Variants in PAX2 observed in about 807,000 individuals in gnomAD.
PAX2 encodes the protein paired box protein Pax-2.
Under a neutral mutation model 41.7 loss-of-function variants are expected in PAX2, and 9 were observed. The ratio of observed to expected loss-of-function variants is 0.22; its 90% confidence interval spans 0.13 to 0.38. The LOEUF (loss-of-function observed/expected upper bound fraction) is 0.38. PAX2 is among the 10% of genes least tolerant of loss of function. The probability of loss-of-function intolerance (pLI) is 1.00; values close to 1 mark genes in which losing one functional copy is unlikely to be tolerated. For missense variants in PAX2, 418 were observed against 531.6 expected (o/e 0.79, Z 2.10); for synonymous variants, 221 against 212.7 (o/e 1.04, Z -0.34).
At chr10:100,751,250 C>T (rs1284206006) in intron 3 of PAX2, among the ~76,000 whole-genome samples, 1 of 152,210 alleles carries the variant, frequency 6.6e-6, no homozygotes, top group East Asian at 1.9e-4. Flanking sequence ...TCTATTCATC[C>T]CTCCAAACAG....
Position 100,748,998 on chromosome 10 carries a change from C to T in PAX2, c.44-748C>T. The T allele has an allele frequency of 2.0e-6, 2 of 985,454 alleles. No individual in the cohort carries two copies. The highest frequency in any genetic ancestry group is 2.4e-6 in the Non-Finnish European group (2 of 829,954). 61.0% of individuals were successfully genotyped at this position (985,454 alleles called of 1,614,324 possible). ...CCTGCTGCCTGGAGCCGCTCTGCCT[C>T]CCTGTCTCTGAGCGCAGCAGACCCC... On this transcript the variant is annotated intron_variant, in intron 1 of 9. Coordinates refer to ENST00000355243, the MANE Select transcript of PAX2 (RefSeq NM_000278.5). The surrounding 1 kb of genome is among the most constrained non-coding windows in gnomAD (Gnocchi z 5.0).
chr10:100,742,238 G>A (rs1564701350), upstream of PAX2, among the ~76,000 whole-genome samples: 1 of 152,206 alleles, frequency 6.6e-6, no homozygotes, highest in Non-Finnish European at 1.5e-5. Flanking sequence ...GCGGGCAGTG[G>A]ACTAGGTCTA....
rs575834230 is a variant in PAX2 at position 100,767,372 on chromosome 10, T to C, written c.411-12126T>C. 5.6e-4 allele frequency among the ~76,000 whole-genome samples: 85 copies of C among 152,322 alleles called. 1 individual carries two copies. Among genetic ancestry groups the C allele is most frequent in the African/African-American group, 1.9e-3 (81 of 41,566 alleles). ...TCTAATAAGGCCTCTGGGCTCTCATTGCTAGTAAGAGAGTAAACTGTCCCC... is the reference window on the plus strand; with the variant it reads ...TCTAATAAGGCCTCTGGGCTCTCATCGCTAGTAAGAGAGTAAACTGTCCCC... On this transcript the variant is annotated intron_variant, in intron 3 of 9. Transcript: ENST00000355243.
chr10:100,787,608 G>C (rs969459532), intron 5 of PAX2, among the ~76,000 whole-genome samples: 19 of 151,934 alleles, frequency 1.3e-4, no homozygotes, highest in Non-Finnish European at 1.9e-4. Context: ...AACAATGAAG[G>C]CTTTTTCCCA....
rs1268620947 is a variant in PAX2 at position 100,824,626 on chromosome 10, C to T, written c.920-22C>T. The T allele has an allele frequency of 7.9e-6, 12 of 1,522,422 alleles. No homozygotes were observed. The highest frequency in any genetic ancestry group is 1.0e-5 in the Non-Finnish European group (11 of 1,096,114). The allele number at this position is 1,522,422 out of a possible 1,614,324, so 94.3% of individuals were successfully genotyped here. ...GGCCCCTTTCTTCCAGGCCTCACCC[C>T]TTCCCCTTTGTGTTTTTCCAGGTCG... On this transcript the variant is annotated intron_variant, in intron 7 of 9. Coordinates refer to ENST00000355243, the MANE Select transcript of PAX2 (RefSeq NM_000278.5). This position sits in a 1 kb window ranked among gnomAD's most constrained non-coding sequence, Gnocchi z 6.6.
intron 5 of PAX2, among the ~76,000 whole-genome samples, chr10:100,786,186 C>G (rs1237207474): frequency 6.6e-6 from 1 of 152,240 alleles, no homozygotes; most frequent in Non-Finnish European, 1.5e-5. Context: ...CTGGGATTAG[C>G]TAACCCGGAT....
chr10:100,788,266 C>G (rs139562003), intron 5 of PAX2, among the ~76,000 whole-genome samples: 1 of 152,342 alleles, frequency 6.6e-6, no homozygotes, highest in Admixed American at 6.5e-5. Context: ...CGCCCGCGAT[C>G]GCCTCCTTTT....
chr10:100,787,409 A>C (rs1289185324), intron 5 of PAX2, among the ~76,000 whole-genome samples: 4 of 152,222 alleles, frequency 2.6e-5, no homozygotes, highest in Admixed American at 6.5e-5. Context: ...TAAAAGTGGA[A>C]ATCAATTTTG....
chr10:100,770,642 G>A (rs573709774), intron 3 of PAX2, among the ~76,000 whole-genome samples: 6 of 152,322 alleles, frequency 3.9e-5, no homozygotes, highest in South Asian at 4.1e-4. Context: ...GGCACGTGGC[G>A]GAAAGATTAT....
At position 100,806,462 on chromosome 10, in the gene PAX2, T is replaced by G; in HGVS notation, c.649T>G (p.Ser217Ala). 6.2e-7 allele frequency: 1 copy of G among 1,614,232 alleles called. No homozygotes were observed. Among genetic ancestry groups the G allele is most frequent in the Non-Finnish European group, 8.5e-7 (1 of 1,180,038 alleles). The change falls in exon 6 of 10, where the codon TCC becomes GCC. Residue 217 changes from serine (S) to alanine (A), a missense_variant. Ser to Ala is a moderately conservative substitution (Grantham distance 99). Coordinates refer to ENST00000355243, the MANE Select transcript of PAX2 (RefSeq NM_000278.5). ...TGAGGGCTCAGTCCCCAATGGAGAT[T>G]CCCAGAGTGGTGTGGACAGTTTGCG... is the stretch of plus-strand genomic sequence containing the variant. ...VSEGSVPNGD[S>A]QSGVDSLRKH... is the part of the protein sequence containing the mutation.
rs1848590409 is a variant in PAX2, at chr10:100,826,947, G to A, written c.1022-62G>A. ...GGAGCGGGCGGAGAAGCCACCGGCC[G>A]GACTCGTGGGGTCCGCCCTGGCTTG... On this transcript the variant is annotated intron_variant, in intron 8 of 9. Transcript: ENST00000355243. The surrounding 1 kb of genome is among the most constrained non-coding windows in gnomAD (Gnocchi z 5.5). The A allele has an allele frequency of 6.9e-6, 8 of 1,160,376 alleles. No individual in the cohort carries two copies. Among genetic ancestry groups the A allele is most frequent in the Non-Finnish European group, 1.0e-5 (8 of 773,128 alleles). The allele number at this position is 1,160,376 out of a possible 1,614,324, so 71.9% of individuals were successfully genotyped here. A position where few individuals can be genotyped will look rare whatever the true frequency, so the allele number is the denominator to read the frequency against.
intron 5 of PAX2, among the ~76,000 whole-genome samples, chr10:100,792,362 G>C (rs761526436): frequency 6.6e-6 from 1 of 152,256 alleles, no homozygotes; most frequent in Non-Finnish European, 1.5e-5. Flanking sequence ...TGCCTGGAGA[G>C]GAAGTCCGCA....
intron 1 of PAX2, among the ~76,000 whole-genome samples, chr10:100,740,125 C>T (rs1410428561): frequency 6.6e-6 from 1 of 152,228 alleles, no homozygotes; most frequent in Non-Finnish European, 1.5e-5. Flanking sequence ...CCTGGGAGAA[C>T]CAACTTTCTT....
chr10:100,768,046 T>C (rs78119190), intron 3 of PAX2, among the ~76,000 whole-genome samples: 3,907 of 138,100 alleles, frequency 0.028, 183 homozygotes, highest in African/African-American at 0.097. Context: ...GGTATACAAA[T>C]GCACATTTAT....
At chr10:100,758,461 G>A (rs1374467149) in intron 3 of PAX2, among the ~76,000 whole-genome samples, 5 of 152,208 alleles carry the variant, frequency 3.3e-5, no homozygotes, top group African/African-American at 1.2e-4. Flanking sequence ...TTCTATTCTA[G>A]AAACGTTCAG....
chr10:100,736,547 C>T (rs963098296), intron 1 of PAX2, among the ~76,000 whole-genome samples: 1 of 151,986 alleles, frequency 6.6e-6, no homozygotes, highest in African/African-American at 2.4e-5. Context: ...AATTTGAGGC[C>T]TTTTTTGCCT....
intron 3 of PAX2, among the ~76,000 whole-genome samples, chr10:100,776,458 C>CCTAT (rs1216223277): frequency 6.6e-6 from 1 of 152,204 alleles, no homozygotes; most frequent in Non-Finnish European, 1.5e-5. Flanking sequence ...GTGAAACTGA[C>CCTAT]CTATCTTGGT....
chr10:100,802,201 G>A (rs766583676), intron 5 of PAX2, among the ~76,000 whole-genome samples: 1 of 152,134 alleles, frequency 6.6e-6, no homozygotes, highest in African/African-American at 2.4e-5. Context: ...CAGAGAATGG[G>A]GAAGAATACT....
Position 100,826,985 on chromosome 10 carries a change from C to A in PAX2, c.1022-24C>A. 6.4e-7 allele frequency: 1 copy of A among 1,565,342 alleles called. No individual in the cohort carries two copies. Among genetic ancestry groups the A allele is most frequent in the South Asian group, 1.1e-5 (1 of 90,104 alleles). ...CCGCCCTGGCTTGCAGGCGTCTGAT[C>A]CCCACTCCCCGACCCTCCCGCAGGG... is the stretch of plus-strand genomic sequence containing the variant. On this transcript the variant is annotated intron_variant, in intron 8 of 9. Coordinates refer to ENST00000355243, the MANE Select transcript of PAX2 (RefSeq NM_000278.5). This position sits in a 1 kb window ranked among gnomAD's most constrained non-coding sequence, Gnocchi z 5.5.
Sources: gnomAD v4.1 joint callset for allele counts (sites outside exome capture counted in the v4.1 genomes callset) on GRCh38, gnomAD v4.1.1 for gene constraint, Gnocchi (gnomAD v3.1) non-coding constraint, MANE v1.5 for transcripts, NCBI Gene and HGNC (gene_info 2026-07-23, HGNC 2026-07-21) for gene names.